The following HADHB variants were observed in gnomAD, a reference collection of about 807,000 sequenced individuals.
HADHB encodes hydroxyacyl-CoA dehydrogenase trifunctional multienzyme complex subunit beta.
HADHB carries 50 observed loss-of-function variants against 61.9 expected under a neutral mutation model. The observed-to-expected ratio is 0.81, with a 90% CI of 0.64 to 1.02. The LOEUF is 1.02. Among genes scored for constraint, HADHB ranks in the 50% least tolerant of loss-of-function variants. HADHB has a pLI of 0.00. For missense variants in HADHB, 504 were observed against 586.5 expected (o/e 0.86, Z 1.45); for synonymous variants, 191 against 201.6 (o/e 0.95, Z 0.45).
At chr2:26,278,960 TA>T (rs1672671973) in intron 8 of HADHB, among the ~76,000 whole-genome samples, 159 bp downstream of exon 8, 1 of 152,232 alleles carries the variant, frequency 6.6e-6, no homozygotes, top group Non-Finnish European at 1.5e-5. Flanking sequence ...TAGAAAACTT[TA>T]ATTTGTGAGC....
At chr2:26,256,705 A>G (rs967330284) in intron 3 of HADHB, among the ~76,000 whole-genome samples, 10 of 152,162 alleles carry the variant, frequency 6.6e-5, no homozygotes, top group Admixed American at 1.3e-4. Context: ...TTCAGCTCTA[A>G]TATTTGCAAA....
At chr2:26,268,618 A>G (rs926660960) in intron 4 of HADHB, among the ~76,000 whole-genome samples, 1 of 152,200 alleles carries the variant, frequency 6.6e-6, no homozygotes, top group Non-Finnish European at 1.5e-5. Flanking sequence ...AAAAGTGTCA[A>G]GGTCATGAAA....
intron 15 of HADHB, 59 bp downstream of exon 15, chr2:26,285,630 A>T: frequency 1.6e-6 from 2 of 1,282,198 alleles, no homozygotes; most frequent in Non-Finnish European, 2.2e-6. Flanking sequence ...AATGACTAGA[A>T]TGTATGATTT....
intron 4 of HADHB, among the ~76,000 whole-genome samples, chr2:26,266,871 C>CAAAAAAAAAAA (rs56401595): frequency 0.11 from 5,166 of 45,194 alleles, 1,262 homozygotes; most frequent in Middle Eastern, 0.16. Flanking sequence ...CACTCTCTCT[C>CAAAAAAAAAAA]AAAAAAAAAA....
At position 26,290,149 on chromosome 2, in the gene HADHB, A is replaced by G. The variant is rs7586822; in HGVS notation, c.*196A>G. The G allele has an allele frequency of 0.012, 7,543 of 610,848 alleles. 430 individuals carry two copies. Among genetic ancestry groups the G allele is most frequent in the African/African-American group, 0.12 (6,579 of 54,422 alleles). The allele number at this position is 610,848 out of a possible 1,614,324, so 37.8% of individuals were successfully genotyped here. ...TCAATAATCAGTTTACTGCTCTTTC[A>G]GGGATTTCTAAGCCACCAGAATCTC... On this transcript the variant is annotated 3_prime_UTR_variant, in exon 16 of 16. Transcript: ENST00000317799.
Position 26,289,986 on chromosome 2 carries a change from G to T in HADHB, c.*33G>T. ...AGAAGAAGTGACCTGAAGTTTCTGT[G>T]CAACACTCACACTAGGCAATGCCAT... On this transcript the variant is annotated 3_prime_UTR_variant, in exon 16 of 16. Transcript: ENST00000317799. The T allele has an allele frequency of 6.8e-7, 1 of 1,471,458 alleles. No homozygotes were observed. Among genetic ancestry groups the T allele is most frequent in the East Asian group, 2.3e-5 (1 of 44,176 alleles). The allele number at this position is 1,471,458 out of a possible 1,614,324, so 91.2% of individuals were successfully genotyped here. A position where few individuals can be genotyped will look rare whatever the true frequency, so the allele number is the denominator to read the frequency against.
rs1672652454 is a variant in HADHB, at chr2:26,278,613, G to A, written c.443-1G>A. 6.2e-7 allele frequency: 1 copy of A among 1,612,544 alleles called. No individual in the cohort carries two copies. On this transcript the variant is annotated splice_acceptor_variant, in intron 7 of 15. Coordinates refer to ENST00000317799, the MANE Select transcript of HADHB (RefSeq NM_000183.3). LOFTEE classifies it high-confidence loss of function. Reference sequence around the variant, plus strand: ...CATGAAGTATAACCTGTGCCCTGTAGGTGTTGGCTTGATTGCTTCTGGCCA... The same window carrying A: ...CATGAAGTATAACCTGTGCCCTGTAAGTGTTGGCTTGATTGCTTCTGGCCA...
In HADHB at chr2:26,284,828, A is replaced by T. The variant is rs1467978040; in HGVS notation, c.1150-55A>T. 3 of 911,100 alleles carry T rather than the reference A, an allele frequency of 3.3e-6. No homozygotes were observed. In the African/African-American group the frequency reaches 4.9e-5, roughly 15 times the overall value. 56.4% of individuals were successfully genotyped at this position (911,100 alleles called of 1,614,324 possible). A position where few individuals can be genotyped will look rare whatever the true frequency, so the allele number is the denominator to read the frequency against. ...AACTTTCACAAACCATTCCTATAAG[A>T]AAGCGTAGAGGAACATGAATAACGA... On this transcript the variant is annotated intron_variant, in intron 13 of 15. Transcript: ENST00000317799.
In HADHB at chr2:26,284,897, A is replaced by G; in HGVS notation, c.1164A>G (p.Ala388=). The change falls in exon 14 of 16, where the codon GCA becomes GCG. Residue 388 remains alanine, a synonymous_variant. Transcript: ENST00000317799. ...FHEAFSGQIL[A]NFKAMDSDWF... ...TTCTCTTCCAGGGTCAGATTTTGGC[A>G]AATTTTAAAGCCATGGATTCTGATT... 6.3e-7 allele frequency: 1 copy of G among 1,586,380 alleles called. No individual in the cohort carries two copies. The highest frequency in any genetic ancestry group is 8.7e-7 in the Non-Finnish European group (1 of 1,154,802).
At chr2:26,249,470 C>A (rs978766304) in intron 1 of HADHB, among the ~76,000 whole-genome samples, 5 of 151,936 alleles carry the variant, frequency 3.3e-5, no homozygotes, top group Admixed American at 3.3e-4. Flanking sequence ...AAGATCGCGC[C>A]GCTGTACTCC....
At chr2:26,272,484 T>TA (rs943723864) in intron 5 of HADHB, among the ~76,000 whole-genome samples, 19 of 152,150 alleles carry the variant, frequency 1.2e-4, no homozygotes, top group African/African-American at 4.6e-4. Flanking sequence ...TAGCTGGAAT[T>TA]ACAGGCACAT....
intron 4 of HADHB, among the ~76,000 whole-genome samples, chr2:26,264,873 C>G (rs998575419): frequency 6.6e-6 from 1 of 151,474 alleles, no homozygotes; most frequent in Non-Finnish European, 1.5e-5. Context: ...ACCTCTAGTC[C>G]CAGCTACTCG....
rs1672855801 is a variant in HADHB, at chr2:26,282,938, TCAAA to T, written c.1013+19_1013+22del. 6.2e-7 allele frequency: 1 copy of T among 1,605,404 alleles called. No homozygotes were observed. Among genetic ancestry groups the T allele is most frequent in the East Asian group, 2.2e-5 (1 of 44,826 alleles). ...GGCATATTTGAGGTAAAGTAAATGTTCAAACAAATCATCTCTGATTTCTTTATTT... is the reference window on the plus strand; with the variant it reads ...GGCATATTTGAGGTAAAGTAAATGTTCAAATCATCTCTGATTTCTTTATTT... On this transcript the variant is annotated intron_variant, in intron 11 of 15. Transcript: ENST00000317799.
chr2:26,274,598 G>C (rs1198407006), intron 6 of HADHB, among the ~76,000 whole-genome samples: 1 of 152,160 alleles, frequency 6.6e-6, no homozygotes, highest in African/African-American at 2.4e-5. Context: ...ACTGTGTGCT[G>C]TTGAGGGGCA....
chr2:26,267,800 A>G (rs969964739), intron 4 of HADHB, among the ~76,000 whole-genome samples: 1 of 151,796 alleles, frequency 6.6e-6, no homozygotes, highest in African/African-American at 2.4e-5. Context: ...GAGTAAATAA[A>G]TGAGAAAGAA....
At chr2:26,274,728 C>T (rs1273767366) in intron 6 of HADHB, among the ~76,000 whole-genome samples, 2 of 152,142 alleles carry the variant, frequency 1.3e-5, no homozygotes, top group Admixed American at 6.5e-5. Context: ...TCAAGCTGCT[C>T]ATAATACATT....
intron 12 of HADHB, among the ~76,000 whole-genome samples, chr2:26,283,772 C>CA (rs1395370395): frequency 6.6e-6 from 1 of 152,228 alleles, no homozygotes; most frequent in Non-Finnish European, 1.5e-5. Context: ...CGTTCCCTCA[C>CA]AAGGCTGTAG....
chr2:26,260,159 G>T (rs1184520640), intron 3 of HADHB, among the ~76,000 whole-genome samples: 1 of 150,408 alleles, frequency 6.6e-6, no homozygotes, highest in Non-Finnish European at 1.5e-5. Flanking sequence ...TCAGCTTACG[G>T]CAACCTCCAC....
chr2:26,249,230 G>C (rs1183242667), intron 1 of HADHB, among the ~76,000 whole-genome samples: 1 of 151,816 alleles, frequency 6.6e-6, no homozygotes, highest in Non-Finnish European at 1.5e-5. Context: ...AATCAAATTG[G>C]CTTCTTAAAG....
Sources: gnomAD v4.1 joint callset for allele counts (sites outside exome capture counted in the v4.1 genomes callset) on GRCh38, gnomAD v4.1.1 for gene constraint, MANE v1.5 for transcripts, NCBI Gene and HGNC (gene_info 2026-07-23, HGNC 2026-07-21) for gene names.